Variants in PAK2 observed in about 807,000 individuals in gnomAD.
PAK2 encodes the protein serine/threonine-protein kinase PAK 2.
PAK2 carries 21 observed loss-of-function variants against 65.9 expected under a neutral mutation model. The ratio of observed to expected loss-of-function variants is 0.32; its 90% CI spans 0.23 to 0.46. The LOEUF (loss-of-function observed/expected upper bound fraction) is 0.46. PAK2 is among the 20% of genes least tolerant of loss of function. The pLI is 1.00. For missense variants in PAK2, 324 were observed against 642.6 expected, an observed-to-expected ratio of 0.50 and a Z score of 5.36; for synonymous variants, 204 against 219.7, an observed-to-expected ratio of 0.93 and a Z score of 0.63.
At chr3:196,811,644 A>G (rs1715829726) in intron 8 of PAK2, among the ~76,000 whole-genome samples, 1 of 151,924 alleles carries the variant, frequency 6.6e-6, no homozygotes, top group African/African-American at 2.4e-5. Context: ...TGAACAAGCA[A>G]TACCTATCCA....
intron 2 of PAK2, among the ~76,000 whole-genome samples, chr3:196,798,931 G>A (rs1484145622): frequency 6.6e-6 from 1 of 152,002 alleles, no homozygotes; most frequent in African/African-American, 2.4e-5. Flanking sequence ...CCTACCATTG[G>A]CATTAAACTT....
chr3:196,787,610 C>T (rs991450033), intron 2 of PAK2, among the ~76,000 whole-genome samples: 3 of 150,962 alleles, frequency 2.0e-5, no homozygotes, highest in African/African-American at 7.3e-5. Flanking sequence ...ATTGTATAGA[C>T]TTTGTAGGGC....
At chr3:196,742,414 A>G (rs893172535) in intron 1 of PAK2, among the ~76,000 whole-genome samples, 1 of 152,166 alleles carries the variant, frequency 6.6e-6, no homozygotes, top group Non-Finnish European at 1.5e-5. Context: ...ATACTTTTTA[A>G]GAGAGACTAG....
At chr3:196,751,287 A>G (rs1261818759) in intron 1 of PAK2, among the ~76,000 whole-genome samples, 3 of 152,150 alleles carry the variant, frequency 2.0e-5, no homozygotes, top group African/African-American at 4.8e-5. Context: ...GAGTGCTGAC[A>G]TGACATCACA....
intron 2 of PAK2, among the ~76,000 whole-genome samples, chr3:196,794,676 C>T (rs550460005): frequency 1.3e-5 from 2 of 152,292 alleles, no homozygotes; most frequent in Admixed American, 1.3e-4. Flanking sequence ...ATTACTGTTC[C>T]CAGCCTTGGA....
At chr3:196,801,174 A>C (rs912459345) in intron 2 of PAK2, among the ~76,000 whole-genome samples, 2 of 152,224 alleles carry the variant, frequency 1.3e-5, no homozygotes, top group Non-Finnish European at 2.9e-5. Flanking sequence ...TTGTCTTGAC[A>C]GTGTGTATTA....
intron 2 of PAK2, among the ~76,000 whole-genome samples, chr3:196,787,849 G>A (rs563019917): frequency 4.4e-4 from 67 of 152,308 alleles, no homozygotes; most frequent in African/African-American, 1.6e-3. Context: ...CTGAAACACA[G>A]CCCAGTCACT....
intron 1 of PAK2, among the ~76,000 whole-genome samples, chr3:196,759,743 T>C (rs1349606576): frequency 2.6e-5 from 4 of 151,938 alleles, no homozygotes; most frequent in Admixed American, 6.6e-5. Context: ...GCCAGGCTGG[T>C]CTTGAACTCC....
At chr3:196,805,725 A>T (rs1434208607) in intron 5 of PAK2, among the ~76,000 whole-genome samples, 1 of 152,094 alleles carries the variant, frequency 6.6e-6, no homozygotes. Flanking sequence ...TACTGAATAT[A>T]GACTGTGGAA....
intron 1 of PAK2, among the ~76,000 whole-genome samples, chr3:196,745,960 T>C (rs1452065672): frequency 6.6e-6 from 1 of 152,150 alleles, no homozygotes; most frequent in African/African-American, 2.4e-5. Flanking sequence ...TCAGTCACTT[T>C]TCTATGGTTA....
chr3:196,802,684 A>C (rs1398582875), intron 3 of PAK2, among the ~76,000 whole-genome samples: 1 of 151,990 alleles, frequency 6.6e-6, no homozygotes, highest in Non-Finnish European at 1.5e-5. Context: ...CTCTACTAAA[A>C]ATACAAAAAA....
chr3:196,785,109 C>T (rs531455814), intron 2 of PAK2: 1 of 152,116 alleles, frequency 6.6e-6, no homozygotes, highest in East Asian at 1.9e-4. Flanking sequence ...TTTAAATACC[C>T]CAGATGATAA....
intron 13 of PAK2, among the ~76,000 whole-genome samples, chr3:196,825,449 C>T (rs1577755087): frequency 2.0e-5 from 3 of 152,020 alleles, no homozygotes. Context: ...TAAGACCAGC[C>T]TGGCCAACAC....
chr3:196,744,904 T>C (rs1713322637), intron 1 of PAK2, among the ~76,000 whole-genome samples: 1 of 150,732 alleles, frequency 6.6e-6, no homozygotes, highest in Admixed American at 6.6e-5. Flanking sequence ...TAAAACGACT[T>C]GTAAGTGTGC....
intron 13 of PAK2, among the ~76,000 whole-genome samples, chr3:196,821,684 A>C (rs1000869908): frequency 1.3e-5 from 2 of 152,080 alleles, no homozygotes; most frequent in Non-Finnish European, 2.9e-5. Flanking sequence ...CTCCGTCTCC[A>C]TAAATAAATA....
chr3:196,812,999 G>A, intron 10 of PAK2, 148 bp downstream of exon 10: 1 of 572,276 alleles, frequency 1.7e-6, no homozygotes, highest in Non-Finnish European at 3.1e-6. Flanking sequence ...AAATAGCACA[G>A]TGCAGTTTTA....
chr3:196,750,601 C>G (rs1577695522), intron 1 of PAK2, among the ~76,000 whole-genome samples: 1 of 150,944 alleles, frequency 6.6e-6, no homozygotes, highest in East Asian at 1.9e-4. Context: ...GTTTTTTGTT[C>G]AATAAATTAT....
chr3:196,779,644 A>T (rs545367432), intron 1 of PAK2, among the ~76,000 whole-genome samples: 11 of 152,182 alleles, frequency 7.2e-5, no homozygotes, highest in African/African-American at 2.6e-4. Context: ...ACTTTACACT[A>T]ATTATTGTGC....
intron 1 of PAK2, among the ~76,000 whole-genome samples, chr3:196,778,835 C>T (rs1366716337): frequency 2.0e-5 from 3 of 152,294 alleles, no homozygotes; most frequent in African/African-American, 7.2e-5. Context: ...TATCCCTCAA[C>T]TGGGGTTTGT....
Sources: allele counts gnomAD v4.1 joint callset (sites outside exome capture counted in the v4.1 genomes callset), GRCh38; gene constraint gnomAD v4.1.1; transcripts MANE v1.5; gene names NCBI Gene and HGNC (gene_info 2026-07-23, HGNC 2026-07-21).